AUTS2: variants seen among roughly 807,000 people sequenced by gnomAD.
AUTS2 encodes autism susceptibility gene 2 protein.
A neutral mutation model predicts 112.4 loss-of-function variants in AUTS2; 17 were observed. The observed-to-expected ratio is 0.15, with a 90% CI of 0.10 to 0.23. The LOEUF is 0.23. Among genes scored for constraint, AUTS2 ranks in the 10% least tolerant of loss-of-function variants. AUTS2 has a pLI of 1.00. For synonymous variants in AUTS2, 751 were observed against 702.7 expected (o/e 1.07, Z -1.09); for missense variants, 1,510 against 1,701.6 (o/e 0.89, Z 1.98).
At chr7:70,180,507 T>G (rs1809240243) in intron 4 of AUTS2, among the ~76,000 whole-genome samples, 1 of 152,138 alleles carries the variant, frequency 6.6e-6, no homozygotes, top group East Asian at 1.9e-4. Flanking sequence ...CCATCCAGGC[T>G]TTCCCTCATT....
chr7:69,692,288 C>T (rs1584082189), intron 1 of AUTS2, among the ~76,000 whole-genome samples: 1 of 152,148 alleles, frequency 6.6e-6, no homozygotes, highest in East Asian at 1.9e-4. Context: ...CTTCGGTGGT[C>T]CTTTGAAATG....
chr7:69,974,731 A>G (rs932126805), intron 2 of AUTS2, among the ~76,000 whole-genome samples: 9 of 152,186 alleles, frequency 5.9e-5, no homozygotes, highest in African/African-American at 1.9e-4. Flanking sequence ...AAGTCTACCA[A>G]TTCAAATGCT....
chr7:69,977,876 G>C (rs1431832600), intron 2 of AUTS2, among the ~76,000 whole-genome samples: 6 of 152,080 alleles, frequency 3.9e-5, no homozygotes, highest in Non-Finnish European at 4.4e-5. Context: ...ATTTTTGGGG[G>C]CCCCCAGGTT....
intron 1 of AUTS2, among the ~76,000 whole-genome samples, chr7:69,890,355 C>G (rs1158178042): frequency 1.3e-5 from 2 of 152,126 alleles, no homozygotes; most frequent in Non-Finnish European, 2.9e-5. Flanking sequence ...TTGTTCTCTT[C>G]TCACCTTTGA....
Position 69,833,521 on chromosome 7 carries a change from G to A in AUTS2, c.310-65765G>A, listed in dbSNP as rs973749882. ...TGTGATCTTGGCTCACTGCAACCTC[G>A]TCTCCTGGGTTCAAGCGATTCTCAT... On this transcript the variant is annotated intron_variant, in intron 1 of 18. Coordinates refer to ENST00000342771, the MANE Select transcript of AUTS2 (RefSeq NM_015570.4). Among the ~76,000 whole-genome samples, 9 of 152,014 alleles carry A rather than the reference G, an allele frequency of 5.9e-5. No individual in the cohort carries two copies. In the South Asian group the frequency reaches 1.2e-3, roughly 21 times the overall value.
chr7:69,948,087 T>C (rs1222597630), intron 2 of AUTS2, among the ~76,000 whole-genome samples: 2 of 152,210 alleles, frequency 1.3e-5, no homozygotes, highest in Non-Finnish European at 2.9e-5. Flanking sequence ...ATTTAATAAA[T>C]GAAATAGCCA....
At chr7:70,585,552 C>T (rs1802642312) in intron 5 of AUTS2, among the ~76,000 whole-genome samples, 2 of 152,166 alleles carry the variant, frequency 1.3e-5, no homozygotes, top group African/African-American at 4.8e-5. Context: ...TCATACAGAT[C>T]GCGTATATTA....
intron 1 of AUTS2, among the ~76,000 whole-genome samples, chr7:69,743,200 T>C (rs55776098): frequency 0.1 from 15,156 of 152,188 alleles, 1,205 homozygotes; most frequent in African/African-American, 0.22. Flanking sequence ...ATCTGTAATA[T>C]GGGAATAATA....
At chr7:69,897,313 T>C (rs1794789731) in intron 1 of AUTS2, among the ~76,000 whole-genome samples, 1 of 152,188 alleles carries the variant, frequency 6.6e-6, no homozygotes, top group Non-Finnish European at 1.5e-5. Context: ...TGTCATAAAC[T>C]GAGTAGCTTA....
intron 16 of AUTS2, 129 bp downstream of exon 16, chr7:70,785,148 G>A: frequency 1.2e-6 from 1 of 857,370 alleles, no homozygotes; most frequent in Non-Finnish European, 1.9e-6. Context: ...ATTTAGGCAG[G>A]AGATGGTGCT....
chr7:70,284,176 C>T (rs1201602249), intron 4 of AUTS2, among the ~76,000 whole-genome samples: 6 of 152,222 alleles, frequency 3.9e-5, no homozygotes, highest in South Asian at 2.1e-4. Flanking sequence ...TTTTCCACAT[C>T]AATACCTTAT....
chr7:70,402,442 A>G (rs1035056526), intron 4 of AUTS2, among the ~76,000 whole-genome samples: 3 of 152,196 alleles, frequency 2.0e-5, no homozygotes, highest in Admixed American at 6.5e-5. Flanking sequence ...GGGCTTACAC[A>G]TGTAAAACCT....
chr7:70,776,810 GCA>G (rs970908959), intron 13 of AUTS2: 2 of 439,958 alleles, frequency 4.5e-6, no homozygotes, highest in Non-Finnish European at 8.3e-6. Flanking sequence ...AAGAGAAGAG[GCA>G]CAGAGTGGGA....
intron 3 of AUTS2, among the ~76,000 whole-genome samples, chr7:70,122,365 G>A (rs1345553073): frequency 6.6e-6 from 1 of 152,152 alleles, no homozygotes; most frequent in Non-Finnish European, 1.5e-5. Context: ...AATTAGGGCT[G>A]TAATAATGCT....
intron 1 of AUTS2, among the ~76,000 whole-genome samples, chr7:69,638,621 T>C (rs1375823666): frequency 6.6e-6 from 1 of 152,250 alleles, no homozygotes; most frequent in East Asian, 1.9e-4. Flanking sequence ...TAAACTTGCA[T>C]TTCTTTTTTC....
intron 5 of AUTS2, among the ~76,000 whole-genome samples, chr7:70,482,791 C>A (rs369470132): frequency 6.6e-6 from 1 of 152,146 alleles, no homozygotes; most frequent in Admixed American, 6.5e-5. Flanking sequence ...AGCCCCATTC[C>A]TGCTGCTTTC....
At chr7:69,727,157 G>A (rs988444736) in intron 1 of AUTS2, among the ~76,000 whole-genome samples, 1 of 152,076 alleles carries the variant, frequency 6.6e-6, no homozygotes, top group Non-Finnish European at 1.5e-5. Context: ...TTTGGTGTAT[G>A]TTCCATCACA....
intron 4 of AUTS2, among the ~76,000 whole-genome samples, chr7:70,235,427 C>G (rs954954984): frequency 5.3e-5 from 8 of 152,120 alleles, no homozygotes; most frequent in African/African-American, 1.9e-4. Flanking sequence ...TGTGAGCCAC[C>G]CCACCCAACC....
chr7:69,731,911 G>A (rs1431382204), intron 1 of AUTS2, among the ~76,000 whole-genome samples: 1 of 152,180 alleles, frequency 6.6e-6, no homozygotes, highest in Non-Finnish European at 1.5e-5. Flanking sequence ...TTCCTCATCT[G>A]TAAAATGGGT....
Sources: gnomAD v4.1 joint callset for allele counts (sites outside exome capture counted in the v4.1 genomes callset) on GRCh38, gnomAD v4.1.1 for gene constraint, MANE v1.5 for transcripts, NCBI Gene and HGNC (gene_info 2026-07-23, HGNC 2026-07-21) for gene names.